The following HHAT variants were observed in gnomAD, a reference collection of about 807,000 sequenced individuals.
HHAT encodes the protein protein-cysteine N-palmitoyltransferase HHAT.
A neutral mutation model predicts 70.8 loss-of-function variants in HHAT; 47 were observed. The ratio of observed to expected loss-of-function variants is 0.66; its 90% CI spans 0.53 to 0.85. The LOEUF (loss-of-function observed/expected upper bound fraction) is 0.85. HHAT is among the 40% of genes least tolerant of loss of function. HHAT has a pLI of 0.00. For synonymous variants in HHAT, 228 were observed against 247.6 expected (o/e 0.92, Z 0.74); for missense variants, 609 against 604.8 (o/e 1.01, Z -0.07).
At chr1:210,372,339 A>G (rs1196146607) in intron 3 of HHAT, among the ~76,000 whole-genome samples, 4 of 152,202 alleles carry the variant, frequency 2.6e-5, no homozygotes, top group Admixed American at 2.6e-4. Context: ...TAGAAGTACT[A>G]TGTTTTGAAC....
intron 11 of HHAT, among the ~76,000 whole-genome samples, chr1:210,632,966 G>C (rs532314939): frequency 6.6e-6 from 1 of 152,130 alleles, no homozygotes; most frequent in Non-Finnish European, 1.5e-5. Flanking sequence ...CCAAAAGCTG[G>C]GAAGAACAAG....
chr1:210,574,308 A>T (rs1057468029), intron 9 of HHAT, among the ~76,000 whole-genome samples: 3 of 152,236 alleles, frequency 2.0e-5, no homozygotes, highest in African/African-American at 4.8e-5. Context: ...ATGGGATGGC[A>T]TGATTACAAG....
intron 6 of HHAT, among the ~76,000 whole-genome samples, chr1:210,414,006 C>T (rs906566498): frequency 3.3e-5 from 5 of 152,122 alleles, no homozygotes; most frequent in African/African-American, 7.2e-5. Context: ...GATTTTCTGC[C>T]GTAGTCCATT....
chr1:210,428,915 G>A (rs1304766115), intron 7 of HHAT, among the ~76,000 whole-genome samples: 4 of 151,778 alleles, frequency 2.6e-5, no homozygotes, highest in African/African-American at 9.7e-5. Flanking sequence ...GGTCAAGGCT[G>A]TGGTGAGCTA....
intron 2 of HHAT, among the ~76,000 whole-genome samples, chr1:210,360,386 C>T (rs2088155683): frequency 6.6e-6 from 1 of 151,558 alleles, no homozygotes; most frequent in Non-Finnish European, 1.5e-5. Flanking sequence ...TCTAGGCTCA[C>T]CACAACTTCT....
chr1:210,612,401 C>T (rs2148846505), intron 10 of HHAT, among the ~76,000 whole-genome samples: 1 of 152,236 alleles, frequency 6.6e-6, no homozygotes, highest in Non-Finnish European at 1.5e-5. Context: ...TGCAACCATA[C>T]AATGTTTGTC....
intron 9 of HHAT, among the ~76,000 whole-genome samples, chr1:210,534,688 A>G (rs2095351990): frequency 6.6e-6 from 1 of 150,872 alleles, no homozygotes; most frequent in African/African-American, 2.5e-5. Flanking sequence ...TGCACGAAAC[A>G]GTGTTGACTG....
intron 7 of HHAT, among the ~76,000 whole-genome samples, chr1:210,454,968 GGA>G (rs1341537240): frequency 6.6e-6 from 1 of 152,206 alleles, no homozygotes; most frequent in Admixed American, 6.5e-5. Context: ...CAGTTACCTG[GGA>G]GAGTGTTAGT....
chr1:210,363,306 C>T (rs909712368), intron 3 of HHAT, among the ~76,000 whole-genome samples: 6 of 152,210 alleles, frequency 3.9e-5, no homozygotes, highest in Non-Finnish European at 7.3e-5. Context: ...CCTGGCTGTC[C>T]ATGCTGCTGC....
chr1:210,609,688 A>G (rs555167203), intron 10 of HHAT, among the ~76,000 whole-genome samples: 18 of 152,090 alleles, frequency 1.2e-4, no homozygotes, highest in South Asian at 4.2e-4. Flanking sequence ...ACAGGCCCCA[A>G]TGTGTGTTGT....
At chr1:210,643,017 T>C (rs942253365) in intron 11 of HHAT, among the ~76,000 whole-genome samples, 1 of 152,238 alleles carries the variant, frequency 6.6e-6, no homozygotes, top group Non-Finnish European at 1.5e-5. Context: ...TTAGTATTAA[T>C]TTTGTGTATA....
At position 210,349,116 on chromosome 1, in the gene HHAT, C is replaced by G. The variant is rs201941269; in HGVS notation, c.91+50C>G. 115 of 1,573,758 alleles carry G rather than the reference C, an allele frequency of 7.3e-5. No individual in the cohort carries two copies. The African/African-American group carries it at 1.4e-3, about 19-fold the overall frequency. ...TCCTATCAAACAAGGAAACTCCTGTCAAAAAAAGGAGCAGAGGTGGAAGAT... is the reference window on the plus strand; with the variant it reads ...TCCTATCAAACAAGGAAACTCCTGTGAAAAAAAGGAGCAGAGGTGGAAGAT... On this transcript the variant is annotated intron_variant, in intron 2 of 11. Coordinates refer to ENST00000261458, the MANE Select transcript of HHAT (RefSeq NM_018194.6).
chr1:210,410,207 C>A (rs1223087772), intron 6 of HHAT, among the ~76,000 whole-genome samples: 2 of 151,684 alleles, frequency 1.3e-5, no homozygotes, highest in East Asian at 3.9e-4. Context: ...TGCCAGCCAC[C>A]ACGCCCAGCT....
intron 11 of HHAT, among the ~76,000 whole-genome samples, chr1:210,657,636 T>C (rs1045793234): frequency 7.2e-5 from 11 of 152,256 alleles, no homozygotes; most frequent in East Asian, 1.9e-4. Context: ...GAAAAGAACA[T>C]GTCAGAAGCA....
At chr1:210,668,319 T>C (rs563130870) in intron 11 of HHAT, among the ~76,000 whole-genome samples, 2 of 152,342 alleles carry the variant, frequency 1.3e-5, no homozygotes, top group African/African-American at 4.8e-5. Flanking sequence ...TGGATATTGG[T>C]GTGGTTTGGC....
chr1:210,587,396 GC>G (rs1182104441), intron 9 of HHAT, among the ~76,000 whole-genome samples: 2 of 152,142 alleles, frequency 1.3e-5, no homozygotes, highest in Non-Finnish European at 2.9e-5. Context: ...CATGAGAACA[GC>G]ATAGGAAAAA....
chr1:210,418,153 G>A lies in HHAT; in HGVS notation c.685-1G>A, dbSNP rs1374910251. 5.0e-6 allele frequency: 8 copies of A among 1,614,098 alleles called. No homozygotes were observed. The highest frequency in any genetic ancestry group is 6.8e-6 in the Non-Finnish European group (8 of 1,179,996). On this transcript the variant is annotated splice_acceptor_variant, in intron 6 of 11. Coordinates refer to ENST00000261458, the MANE Select transcript of HHAT (RefSeq NM_018194.6). LOFTEE classifies it high-confidence loss of function. ...AATGACCTCTTTTGTTTCCACTTTAGATGCAGCAGCAGGAGCATGACTCCC... is the reference window on the plus strand; with the variant it reads ...AATGACCTCTTTTGTTTCCACTTTAAATGCAGCAGCAGGAGCATGACTCCC...
chr1:210,329,307 C>G (rs1000607793), intron 1 of HHAT: 5 of 1,221,278 alleles, frequency 4.1e-6, no homozygotes, highest in Admixed American at 4.3e-5. Context: ...CGCAGTGCGC[C>G]CGGGCAAAGG....
At chr1:210,423,904 G>C (rs1418701222) in intron 7 of HHAT, among the ~76,000 whole-genome samples, 1 of 152,168 alleles carries the variant, frequency 6.6e-6, no homozygotes, top group East Asian at 1.9e-4. Context: ...CTACATGCCT[G>C]TTTCTATGCA....
Sources: allele counts gnomAD v4.1 joint callset (sites outside exome capture counted in the v4.1 genomes callset), GRCh38; gene constraint gnomAD v4.1.1; transcripts MANE v1.5; gene names NCBI Gene and HGNC (gene_info 2026-07-23, HGNC 2026-07-21).